The following MMS22L variants were observed in gnomAD, a reference collection of about 807,000 sequenced individuals.
MMS22L encodes the protein protein MMS22-like.
Under a neutral mutation model 159.1 loss-of-function variants are expected in MMS22L, and 74 were observed. That is an observed-to-expected ratio of 0.47 (90% CI 0.39 to 0.56). MMS22L has a LOEUF of 0.56. Ranked by LOEUF, MMS22L falls within the 20% of genes least tolerant of loss-of-function variation. The pLI, the probability that MMS22L is intolerant of heterozygous loss-of-function variation, is 0.00. For synonymous variants in MMS22L, 517 were observed against 506.9 expected, an observed-to-expected ratio of 1.02 and a Z score of -0.27; for missense variants, 1,351 against 1,422.1, an observed-to-expected ratio of 0.95 and a Z score of 0.80.
At position 97,254,751 on chromosome 6, in the gene MMS22L, A is replaced by C; in HGVS notation, c.943-18T>G. 6.4e-7 allele frequency: 1 copy of C among 1,564,456 alleles called. No individual in the cohort carries two copies. The highest frequency in any genetic ancestry group is 8.6e-7 in the Non-Finnish European group (1 of 1,158,798). The stretch of plus-strand genomic sequence containing the variant: ...CAAAATGACTATAGAAACAGAAGTA[A>C]TTTGATTCCATTAAGACAGTTTCAA... On this transcript the variant is annotated intron_variant, in intron 9 of 24. Coordinates refer to ENST00000683635, the MANE Select transcript of MMS22L (RefSeq NM_001350599.2).
intron 10 of MMS22L, chr6:97,253,817 A>C (rs1478652283): frequency 6.6e-6 from 1 of 152,220 alleles, no homozygotes; most frequent in African/African-American, 2.4e-5. Context: ...TTTGGTAACC[A>C]CTGCCATAAA....
At chr6:97,260,035 G>A (rs1164300583) in intron 9 of MMS22L, 1 of 152,102 alleles carries the variant, frequency 6.6e-6, no homozygotes, top group Non-Finnish European at 1.5e-5. Context: ...CAAGTCTAGT[G>A]CCAATAAAAT....
Position 97,245,872 on chromosome 6 carries a change from C to T in MMS22L, c.1182+756G>A, listed in dbSNP as rs1812570665. 2.0e-5 allele frequency: 3 copies of T among 152,412 alleles called. No homozygotes were observed. In the South Asian group the frequency reaches 3.0e-4, roughly 15 times the overall value. 9.4% of individuals were successfully genotyped at this position (152,412 alleles called of 1,614,324 possible). A position where few individuals can be genotyped will look rare whatever the true frequency, so the allele number is the denominator to read the frequency against. On this transcript the variant is annotated intron_variant, in intron 11 of 24. Coordinates refer to ENST00000683635, the MANE Select transcript of MMS22L (RefSeq NM_001350599.2). ...ACAGACACACACACACACACACACA[C>T]ACACACACACACACACACATATAAA...
At chr6:97,158,245 G>A (rs532870117) in intron 22 of MMS22L, among the ~76,000 whole-genome samples, 112 of 151,604 alleles carry the variant, frequency 7.4e-4, no homozygotes, top group Non-Finnish European at 1.3e-3. Flanking sequence ...GGTCTATTTC[G>A]TTGATCTTTT....
chr6:97,180,622 C>T (rs977813360), intron 16 of MMS22L, among the ~76,000 whole-genome samples: 2 of 152,164 alleles, frequency 1.3e-5, no homozygotes, highest in East Asian at 3.8e-4. Context: ...TTTCCCAAAG[C>T]TATATAGCAC....
rs183635885 is a variant in MMS22L at position 97,167,311 on chromosome 6, A to G, written c.3009+760T>C. Among the ~76,000 whole-genome samples the G allele has an allele frequency of 7.9e-5, 12 of 152,258 alleles. No homozygotes were observed. The South Asian group carries it at 1.5e-3, about 18-fold the overall frequency. On this transcript the variant is annotated intron_variant, in intron 20 of 24. Transcript: ENST00000683635. ...GCATTTCACTTCTTTGAGTTCCTCC[A>G]CAACACTCAATTAGCAAGTACTCTT...
intron 14 of MMS22L, among the ~76,000 whole-genome samples, chr6:97,187,321 C>T (rs1329393959): frequency 6.6e-6 from 1 of 152,084 alleles, no homozygotes; most frequent in Non-Finnish European, 1.5e-5. Context: ...ATTTACTCAC[C>T]TTTGCTGATT....
In MMS22L at chr6:97,191,973, T is replaced by C. The variant is rs1033004690; in HGVS notation, c.2040-5283A>G. On this transcript the variant is annotated intron_variant, in intron 14 of 24. Coordinates refer to ENST00000683635, the MANE Select transcript of MMS22L (RefSeq NM_001350599.2). ...AGACAACTTCTAGGTATGAAGAGACTTTTACAAAGCCTCAATTTGAGATAA... is the reference window on the plus strand; with the variant it reads ...AGACAACTTCTAGGTATGAAGAGACCTTTACAAAGCCTCAATTTGAGATAA... 1.3e-5 allele frequency among the ~76,000 whole-genome samples: 2 copies of C among 152,166 alleles called. 1 individual carries two copies. The highest frequency in any genetic ancestry group is 4.1e-4 in the South Asian group (2 of 4,826).
chr6:97,150,033 C>A lies in MMS22L; in HGVS notation c.3483-13G>T. ...CTGGATAAACTGCCTGAAAGTAAAA[C>A]AGGTTTATTTAGGATTACTCCTGGG... is the stretch of plus-strand genomic sequence containing the variant. On this transcript the variant is annotated splice_polypyrimidine_tract_variant and intron_variant, in intron 23 of 24. Transcript: ENST00000683635. 1 of 1,611,408 alleles carries A rather than the reference C, an allele frequency of 6.2e-7. No individual in the cohort carries two copies. Among genetic ancestry groups the A allele is most frequent in the Non-Finnish European group, 8.5e-7 (1 of 1,178,574 alleles).
Position 97,150,013 on chromosome 6 carries a change from T to C in MMS22L, c.3490A>G (p.Ile1164Val). The change falls in exon 24 of 25, where the codon ATC becomes GTC. Residue 1164 changes from isoleucine (I) to valine (V), a missense_variant. Coordinates refer to ENST00000683635, the MANE Select transcript of MMS22L (RefSeq NM_001350599.2). ...TAGTACCTCATACCATAATCCTGGATAAACTGCCTGAAAGTAAAACAGGTT... is the reference window on the plus strand; with the variant it reads ...TAGTACCTCATACCATAATCCTGGACAAACTGCCTGAAAGTAAAACAGGTT... ...SQLTSVFRQFIQDYGMRYYYQ... is the reference protein window; with the variant it reads ...SQLTSVFRQFVQDYGMRYYYQ... The C allele has an allele frequency of 6.2e-7, 1 of 1,612,988 alleles. No homozygotes were observed. The highest frequency in any genetic ancestry group is 8.5e-7 in the Non-Finnish European group (1 of 1,179,460).
chr6:97,157,942 C>T (rs1289177107), intron 22 of MMS22L, among the ~76,000 whole-genome samples: 1 of 152,144 alleles, frequency 6.6e-6, no homozygotes, highest in African/African-American at 2.4e-5. Context: ...GTGAATCTGT[C>T]TGGTCCTAGG....
chr6:97,224,985 G>A (rs1260778009), intron 14 of MMS22L, among the ~76,000 whole-genome samples: 1 of 152,134 alleles, frequency 6.6e-6, no homozygotes, highest in African/African-American at 2.4e-5. Flanking sequence ...AAGAGTCTGA[G>A]TGCCAGTTCT....
At chr6:97,155,351 A>G (rs1801721199) in intron 22 of MMS22L, among the ~76,000 whole-genome samples, 1 of 152,184 alleles carries the variant, frequency 6.6e-6, no homozygotes, top group Non-Finnish European at 1.5e-5. Flanking sequence ...TCTGGGGTAC[A>G]TGTGCACAAC....
At chr6:97,269,700 G>A (rs1441390392) in intron 7 of MMS22L, among the ~76,000 whole-genome samples, 1 of 152,044 alleles carries the variant, frequency 6.6e-6, no homozygotes, top group East Asian at 1.9e-4. Context: ...TATACTAACA[G>A]ATAGAAGGTA....
intron 22 of MMS22L, among the ~76,000 whole-genome samples, chr6:97,152,628 C>A (rs922642072): frequency 1.5e-4 from 23 of 151,910 alleles, no homozygotes; most frequent in Admixed American, 1.4e-3. Context: ...ATAGCAGGAG[C>A]ACAAAATATA....
At chr6:97,258,210 A>AATTTT (rs1187037822) in intron 9 of MMS22L, among the ~76,000 whole-genome samples, 1 of 152,206 alleles carries the variant, frequency 6.6e-6, no homozygotes, top group East Asian at 1.9e-4. Context: ...AATATCTTTA[A>AATTTT]AAAGTGAGGT....
intron 14 of MMS22L, among the ~76,000 whole-genome samples, chr6:97,225,540 C>T (rs775646344): frequency 7.3e-5 from 11 of 151,174 alleles, no homozygotes; most frequent in Non-Finnish European, 1.3e-4. Flanking sequence ...GTAGTGACGG[C>T]GTTTCACCAT....
At position 97,181,956 on chromosome 6, in the gene MMS22L, T is replaced by A. The variant is rs757257264; in HGVS notation, c.2332A>T (p.Ile778Phe). Residue 778 changes from isoleucine to phenylalanine, a missense_variant, in exon 16 of 25, where the codon ATC (isoleucine) becomes TTC (phenylalanine). By Grantham distance (21) the Ile-to-Phe change is conservative. Transcript: ENST00000683635. ...SIIQLFGWDD[I>F]ICPQVVARYL... Reference sequence around the variant, plus strand: ...CTTGCTACAACTTGAGGGCAGATGATATCATCCCAACCAAAAAGTTGAATA... The same window carrying A: ...CTTGCTACAACTTGAGGGCAGATGAAATCATCCCAACCAAAAAGTTGAATA... The A allele has an allele frequency of 1.9e-6, 3 of 1,613,670 alleles. No homozygotes were observed. Among genetic ancestry groups the A allele is most frequent in the African/African-American group, 2.7e-5 (2 of 74,908 alleles).
At chr6:97,245,782 T>C (rs1355642698) in intron 11 of MMS22L, among the ~76,000 whole-genome samples, 1 of 150,262 alleles carries the variant, frequency 6.7e-6, no homozygotes, top group Non-Finnish European at 1.5e-5. Flanking sequence ...AAAGTAAGAG[T>C]TAATGCAGAT....
Sources: gnomAD v4.1 joint callset for allele counts (sites outside exome capture counted in the v4.1 genomes callset) on GRCh38, gnomAD v4.1.1 for gene constraint, MANE v1.5 for transcripts, NCBI Gene and HGNC (gene_info 2026-07-23, HGNC 2026-07-21) for gene names.